The following UNK variants were observed in gnomAD, a reference collection of about 807,000 sequenced individuals.
UNK encodes RING finger protein unkempt homolog.
Under a neutral mutation model 97.6 loss-of-function variants are expected in UNK, and 32 were observed. The observed-to-expected ratio is 0.33, with a 90% CI of 0.25 to 0.44. The LOEUF (loss-of-function observed/expected upper bound fraction) is 0.44, where lower values mean the gene tolerates loss of function less well. UNK is among the 20% of genes least tolerant of loss of function. UNK has a pLI of 1.00. For synonymous variants in UNK, 441 were observed against 461.2 expected, an observed-to-expected ratio of 0.96 and a Z score of 0.56; for missense variants, 771 against 1,098.4, an observed-to-expected ratio of 0.70 and a Z score of 4.21.
intron 1 of UNK, among the ~76,000 whole-genome samples, chr17:75,800,245 T>G (rs2061843668): frequency 6.6e-6 from 1 of 152,010 alleles, no homozygotes; most frequent in Non-Finnish European, 1.5e-5. Flanking sequence ...ATTCTTGTAT[T>G]TTTTTGGTAG....
chr17:75,815,033 A>G (rs1373420567), intron 6 of UNK, 136 bp from the exon 7 acceptor site: 2 of 682,110 alleles, frequency 2.9e-6, no homozygotes, highest in Non-Finnish European at 5.0e-6. Context: ...AGGGAGAGAC[A>G]TAGTGGAGGG....
intron 1 of UNK, chr17:75,792,053 T>A: frequency 1.0e-6 from 1 of 985,436 alleles, no homozygotes; most frequent in Non-Finnish European, 1.2e-6. Flanking sequence ...TTAGAAGCCA[T>A]GAGCACGCTT....
rs745887411 is a variant in UNK, at chr17:75,813,824, C to T, written c.822C>T (p.Asn274=). 1.9e-5 allele frequency: 31 copies of T among 1,597,032 alleles called. No individual in the cohort carries two copies. Among genetic ancestry groups the T allele is most frequent in the African/African-American group, 8.0e-5 (6 of 74,574 alleles). The change falls in exon 6 of 16, where the codon AAC becomes AAT. Residue 274 remains asparagine (N), a synonymous_variant. Coordinates refer to ENST00000589666, the MANE Select transcript of UNK (RefSeq NM_001080419.3). ...DEWGDPGKCE[N]GDACQYCHTR... ...GGGGAGACCCTGGCAAGTGTGAGAA[C>T]GGAGACGCCTGCCAGTACTGCCACA...
intron 1 of UNK, among the ~76,000 whole-genome samples, chr17:75,798,870 T>G (rs2143710017): frequency 6.6e-6 from 1 of 151,562 alleles, no homozygotes; most frequent in South Asian, 2.1e-4. Flanking sequence ...ATCGAGACCA[T>G]CCTGGCTAAC....
intron 13 of UNK, among the ~76,000 whole-genome samples, chr17:75,822,209 G>T (rs2062075336): frequency 6.6e-6 from 1 of 152,246 alleles, no homozygotes; most frequent in Non-Finnish European, 1.5e-5. Flanking sequence ...GCCAGTGTGG[G>T]AGTCCCATTT....
chr17:75,803,752 C>T (rs549591613), intron 1 of UNK, among the ~76,000 whole-genome samples: 16 of 152,250 alleles, frequency 1.1e-4, no homozygotes, highest in Non-Finnish European at 8.8e-5. Context: ...TGCCCTGCCG[C>T]GCAGTAGTTT....
intron 5 of UNK, among the ~76,000 whole-genome samples, 182 bp downstream of exon 5, chr17:75,813,395 ACCT>A (rs1295566267): frequency 6.6e-6 from 1 of 151,998 alleles, no homozygotes; most frequent in African/African-American, 2.4e-5. Flanking sequence ...GCCCAGCTTC[ACCT>A]CCTGCATGAA....
Position 75,819,667 on chromosome 17 carries a change from C to T in UNK, c.1547-17C>T. The T allele has an allele frequency of 6.2e-7, 1 of 1,613,334 alleles. No homozygotes were observed. The highest frequency in any genetic ancestry group is 8.5e-7 in the Non-Finnish European group (1 of 1,179,464). On this transcript the variant is annotated splice_polypyrimidine_tract_variant and intron_variant, in intron 11 of 15. Coordinates refer to ENST00000589666, the MANE Select transcript of UNK (RefSeq NM_001080419.3). The surrounding 1 kb of genome is among the most constrained non-coding windows in gnomAD (Gnocchi z 5.4). ...TAGTCCCTCGGGAGGTCACATCCCA[C>T]TCTTCTCTGTCCCTAGAGTCTGCTT...
intron 1 of UNK, among the ~76,000 whole-genome samples, chr17:75,805,098 G>A (rs1380129879): frequency 2.0e-5 from 3 of 146,590 alleles, no homozygotes; most frequent in African/African-American, 2.5e-5. Flanking sequence ...GGAGAATGGC[G>A]TGAACCCAGG....
At chr17:75,812,624 T>A in intron 4 of UNK, 39 bp downstream of exon 4, 1 of 1,598,422 alleles carries the variant, frequency 6.3e-7, no homozygotes, top group Admixed American at 1.7e-5. Flanking sequence ...CTCCCTATAA[T>A]CCTGCTCATA....
intron 1 of UNK, among the ~76,000 whole-genome samples, chr17:75,787,423 C>G (rs180769354): frequency 1.3e-5 from 2 of 151,604 alleles, no homozygotes; most frequent in Admixed American, 1.3e-4. Context: ...CCAGCCTAGT[C>G]TCGAACTCCT....
At position 75,818,771 on chromosome 17, in the gene UNK, G is replaced by A. The variant is rs373411446; in HGVS notation, c.1501G>A (p.Ala501Thr). ...TSSVPGMNAN[A>T]LPFYPTSDTV... is the part of the protein sequence containing the mutation. Reference sequence around the variant, plus strand: ...CAGCGTCCCCGGCATGAATGCAAACGCTCTGCCCTTCTACCCCACCAGCGA... The same window carrying A: ...CAGCGTCCCCGGCATGAATGCAAACACTCTGCCCTTCTACCCCACCAGCGA... The change falls in exon 11 of 16, where the codon GCT becomes ACT. Residue 501 changes from alanine to threonine, a missense_variant. Ala to Thr is a moderately conservative substitution (Grantham distance 58, BLOSUM62 0). Coordinates refer to ENST00000589666, the MANE Select transcript of UNK (RefSeq NM_001080419.3). This position sits in a 1 kb window ranked among gnomAD's most constrained non-coding sequence, Gnocchi z 5.1. The A allele has an allele frequency of 3.1e-6, 5 of 1,612,342 alleles. No homozygotes were observed. The highest frequency in any genetic ancestry group is 4.2e-6 in the Non-Finnish European group (5 of 1,179,146).
At chr17:75,803,935 A>G (rs974641780) in intron 1 of UNK, among the ~76,000 whole-genome samples, 1 of 152,264 alleles carries the variant, frequency 6.6e-6, no homozygotes, top group African/African-American at 2.4e-5. Context: ...CTAAAACTCC[A>G]AAGTAAAACA....
intron 1 of UNK, among the ~76,000 whole-genome samples, chr17:75,795,489 G>A (rs1329465381): frequency 2.6e-5 from 4 of 151,932 alleles, no homozygotes; most frequent in African/African-American, 4.8e-5. Context: ...ACAGGCACGC[G>A]CCACCACACC....
chr17:75,800,070 T>C (rs1271902296), intron 1 of UNK, among the ~76,000 whole-genome samples: 4 of 152,128 alleles, frequency 2.6e-5, no homozygotes, highest in Non-Finnish European at 5.9e-5. Flanking sequence ...AAGGTAAGAA[T>C]TGTTTTCACT....
intron 1 of UNK, among the ~76,000 whole-genome samples, chr17:75,795,648 C>A (rs888880930): frequency 6.6e-6 from 1 of 152,070 alleles, no homozygotes. Context: ...GCCAGAAAAA[C>A]TTTGGATAAA....
intron 1 of UNK, among the ~76,000 whole-genome samples, chr17:75,803,063 C>T (rs963420685): frequency 1.3e-4 from 8 of 63,236 alleles, no homozygotes; most frequent in Admixed American, 1.0e-3. Context: ...GAGATTGAGA[C>T]CACCCTGGCC....
At chr17:75,813,033 T>C in intron 4 of UNK, 45 bp from the exon 5 acceptor site, 1 of 1,541,816 alleles carries the variant, frequency 6.5e-7, no homozygotes, top group Middle Eastern at 1.7e-4. Flanking sequence ...CTTGGGGTGC[T>C]CCAGCTCCTC....
Position 75,819,927 on chromosome 17 carries a change from C to T in UNK, c.1656C>T (p.Ser552=). The change falls in exon 13 of 16, where the codon AGC becomes AGT. Residue 552 remains serine (S), a synonymous_variant. Coordinates refer to ENST00000589666, the MANE Select transcript of UNK (RefSeq NM_001080419.3). The surrounding 1 kb of genome is among the most constrained non-coding windows in gnomAD (Gnocchi z 5.4). ...CCCGGGCCTCTCTTGCAGGCGGCAG[C>T]TTGCTGCAGAGCTCTGCACCCGTGA... ...PHPGSITIGG[S]LLQSSAPVNI... is the part of the protein sequence containing the mutation. The T allele has an allele frequency of 1.2e-6, 2 of 1,608,528 alleles. No individual in the cohort carries two copies. The highest frequency in any genetic ancestry group is 1.3e-5 in the African/African-American group (1 of 74,946).
Sources: gnomAD v4.1 joint callset for allele counts (sites outside exome capture counted in the v4.1 genomes callset) on GRCh38, gnomAD v4.1.1 for gene constraint, Gnocchi (gnomAD v3.1) non-coding constraint, MANE v1.5 for transcripts, NCBI Gene and HGNC (gene_info 2026-07-23, HGNC 2026-07-21) for gene names.